Variants in PLXNA4 observed in about 807,000 individuals in gnomAD.
PLXNA4 encodes plexin A4.
In PLXNA4, 44 loss-of-function variants were observed where a neutral mutation model predicts 191.8. The observed-to-expected ratio is 0.23, with a 90% CI of 0.18 to 0.29. PLXNA4 has a LOEUF of 0.29. Ranked by LOEUF, PLXNA4 falls within the 10% of genes least tolerant of loss-of-function variation. The pLI, the probability that PLXNA4 is intolerant of heterozygous loss-of-function variation, is 1.00. For missense variants in PLXNA4, 1,800 were observed against 2,488.8 expected (o/e 0.72, Z 5.89); for synonymous variants, 1,082 against 1,009.5 (o/e 1.07, Z -1.36).
At chr7:132,574,992 G>C (rs1802160010) in intron 1 of PLXNA4, among the ~76,000 whole-genome samples, 1 of 152,208 alleles carries the variant, frequency 6.6e-6, no homozygotes, top group Non-Finnish European at 1.5e-5. Context: ...ATCTTGGACA[G>C]AGGGTACAAG....
chr7:132,354,341 G>A (rs1481386796), intron 3 of PLXNA4, among the ~76,000 whole-genome samples: 1 of 152,070 alleles, frequency 6.6e-6, no homozygotes, highest in Non-Finnish European at 1.5e-5. Flanking sequence ...AACCCACTGG[G>A]GTCTAAAATC....
chr7:132,165,005 A>T (rs1383612914), intron 23 of PLXNA4, 129 bp downstream of exon 23: 67 of 1,368,910 alleles, frequency 4.9e-5, no homozygotes, highest in Non-Finnish European at 6.4e-5. Context: ...ATAAGGATGA[A>T]TTCCATTTCT....
At chr7:132,402,611 C>T (rs1407078103) in intron 3 of PLXNA4, among the ~76,000 whole-genome samples, 1 of 152,220 alleles carries the variant, frequency 6.6e-6, no homozygotes, top group Non-Finnish European at 1.5e-5. Context: ...AACACAGCTC[C>T]CCTCTCAAAG....
At chr7:132,184,776 G>A (rs1796821572) in intron 16 of PLXNA4, among the ~76,000 whole-genome samples, 1 of 152,152 alleles carries the variant, frequency 6.6e-6, no homozygotes, top group Admixed American at 6.5e-5. Context: ...CTACCCTTGA[G>A]GAGTTTACAG....
At chr7:132,255,742 A>G (rs1331000342) in intron 4 of PLXNA4, among the ~76,000 whole-genome samples, 5 of 152,180 alleles carry the variant, frequency 3.3e-5, no homozygotes, top group Non-Finnish European at 7.4e-5. Flanking sequence ...CTTTGGCCAC[A>G]CAGCACAGCC....
At chr7:132,159,662 T>A (rs1157300729) in intron 24 of PLXNA4, 30 bp from the exon 25 acceptor site, 1 of 1,611,692 alleles carries the variant, frequency 6.2e-7, no homozygotes, top group Admixed American at 1.7e-5. Context: ...AGGAAGCATA[T>A]GAAATGGGGT....
intron 1 of PLXNA4, among the ~76,000 whole-genome samples, chr7:132,646,602 G>T (rs1422571924): frequency 6.6e-6 from 1 of 152,120 alleles, no homozygotes; most frequent in Non-Finnish European, 1.5e-5. Flanking sequence ...GCCAGCAAGA[G>T]GGCCCTCACC....
chr7:132,171,205 C>T (rs1201278114), intron 21 of PLXNA4, among the ~76,000 whole-genome samples: 1 of 152,268 alleles, frequency 6.6e-6, no homozygotes, highest in East Asian at 1.9e-4. Context: ...TGGGCATCCA[C>T]CATGTGCAAT....
intron 3 of PLXNA4, among the ~76,000 whole-genome samples, chr7:132,456,752 G>C (rs1243671181): frequency 6.6e-6 from 1 of 152,116 alleles, no homozygotes; most frequent in Non-Finnish European, 1.5e-5. Context: ...CAATCAGAAA[G>C]GCTGAGGGCA....
chr7:132,365,275 G>T (rs998190219), intron 3 of PLXNA4, among the ~76,000 whole-genome samples: 5 of 152,050 alleles, frequency 3.3e-5, no homozygotes, highest in Non-Finnish European at 5.9e-5. Context: ...ACTGCAGAAG[G>T]TGTCCCTTCA....
chr7:132,305,099 A>T (rs887894710), intron 3 of PLXNA4, among the ~76,000 whole-genome samples: 5 of 152,198 alleles, frequency 3.3e-5, no homozygotes, highest in South Asian at 4.2e-4. Context: ...GTGGGAGGGG[A>T]TTCTTGGAGA....
chr7:132,168,487 A>G lies in PLXNA4; in HGVS notation c.4103T>C (p.Phe1368Ser), dbSNP rs1489770423. 6.2e-7 allele frequency: 1 copy of G among 1,613,788 alleles called. No individual in the cohort carries two copies. The highest frequency in any genetic ancestry group is 8.5e-7 in the Non-Finnish European group (1 of 1,179,804). Residue 1368 changes from phenylalanine (F) to serine (S), a missense_variant, in exon 22 of 32, where the codon TTC becomes TCC. Coordinates refer to ENST00000321063, the MANE Select transcript of PLXNA4 (RefSeq NM_020911.2). ...LINNKVFLLS[F>S]IRTLESQRSF... ...ACGCTGGGACTCAAGCGTGCGGATGAAGGACAGCAGGAACACCTTGTTGTT... is the reference window on the plus strand; with the variant it reads ...ACGCTGGGACTCAAGCGTGCGGATGGAGGACAGCAGGAACACCTTGTTGTT...
intron 13 of PLXNA4, among the ~76,000 whole-genome samples, chr7:132,195,927 T>C (rs1368296032): frequency 6.6e-6 from 1 of 152,252 alleles, no homozygotes; most frequent in Non-Finnish European, 1.5e-5. Context: ...ACGGCTTCTA[T>C]GTTTTATGTT....
intron 2 of PLXNA4, among the ~76,000 whole-genome samples, chr7:132,499,986 GCT>G (rs1798181788): frequency 1.3e-5 from 2 of 152,134 alleles, no homozygotes; most frequent in Admixed American, 1.3e-4. Context: ...ATGGAGAAGA[GCT>G]CTCTCAGTTG....
chr7:132,349,128 T>C (rs1277415859), intron 3 of PLXNA4, among the ~76,000 whole-genome samples: 1 of 152,148 alleles, frequency 6.6e-6, no homozygotes, highest in Non-Finnish European at 1.5e-5. Context: ...AAGGACCACA[T>C]GTTTGAGCTT....
rs115790620 is a variant in PLXNA4, at chr7:132,380,645, G to A, written c.1372-82423C>T. ...AGAGAGGCAGAAAAAGAGACAGGAC[G>A]ATTTAAAGTATCAGGAGCAGGGCCT... On this transcript the variant is annotated intron_variant, in intron 3 of 31. Transcript: ENST00000321063. Among the ~76,000 whole-genome samples the A allele has an allele frequency of 5.4e-3, 816 of 152,274 alleles. 5 individuals carry two copies. The highest frequency in any genetic ancestry group is 0.019 in the African/African-American group (794 of 41,556).
intron 12 of PLXNA4, among the ~76,000 whole-genome samples, chr7:132,201,123 G>C (rs1562916935): frequency 6.6e-6 from 1 of 152,192 alleles, no homozygotes; most frequent in Non-Finnish European, 1.5e-5. Flanking sequence ...AATGCACAAA[G>C]AGAAGATGAT....
chr7:132,403,584 C>G (rs187853832), intron 3 of PLXNA4, among the ~76,000 whole-genome samples: 1 of 152,248 alleles, frequency 6.6e-6, no homozygotes, highest in Admixed American at 6.5e-5. Context: ...GCTGAATTCC[C>G]AAATTGGCCT....
intron 2 of PLXNA4, among the ~76,000 whole-genome samples, chr7:132,607,354 C>A (rs992234104): frequency 1.3e-5 from 2 of 152,180 alleles, no homozygotes; most frequent in African/African-American, 4.8e-5. Flanking sequence ...GCTCACCAAC[C>A]CTGGATCTCC....
Sources: gnomAD v4.1 joint callset for allele counts (sites outside exome capture counted in the v4.1 genomes callset) on GRCh38, gnomAD v4.1.1 for gene constraint, MANE v1.5 for transcripts, NCBI Gene and HGNC (gene_info 2026-07-23, HGNC 2026-07-21) for gene names.